MTR: variants seen among roughly 807,000 people sequenced by gnomAD.
MTR encodes the protein 5-methyltetrahydrofolate-homocysteine methyltransferase.
MTR carries 84 observed loss-of-function variants against 154.8 expected under a neutral mutation model. That is an observed-to-expected ratio of 0.54 (90% confidence interval 0.45 to 0.65). The LOEUF (loss-of-function observed/expected upper bound fraction) is 0.65, where lower values mean the gene tolerates loss of function less well. MTR is among the 30% of genes least tolerant of loss of function. MTR has a pLI of 0.00. For synonymous variants in MTR, 554 were observed against 553.9 expected (o/e 1.00, Z 0.00); for missense variants, 1,275 against 1,570.2 (o/e 0.81, Z 3.18).
At chr1:236,882,295 T>C (rs1665779969) in intron 25 of MTR, among the ~76,000 whole-genome samples, 3 of 152,220 alleles carry the variant, frequency 2.0e-5, no homozygotes, top group African/African-American at 7.2e-5. Context: ...GCAAGACTTT[T>C]GGATCCATTT....
intron 3 of MTR, 51 bp downstream of exon 3, chr1:236,806,284 C>A: frequency 7.0e-7 from 1 of 1,432,220 alleles, no homozygotes. Context: ...GCGTTTGCTG[C>A]ATTGGTAGTT....
chr1:236,819,327 A>G (rs920376551), intron 8 of MTR, among the ~76,000 whole-genome samples: 11 of 152,172 alleles, frequency 7.2e-5, no homozygotes, highest in Non-Finnish European at 1.6e-4. Flanking sequence ...TGTTTCCAGA[A>G]TGGTATATAG....
At chr1:236,888,110 G>A (rs1208404037) in intron 27 of MTR, among the ~76,000 whole-genome samples, 2 of 152,228 alleles carry the variant, frequency 1.3e-5, no homozygotes, top group Non-Finnish European at 2.9e-5. Context: ...CCAGGCAGGA[G>A]TAAGAAGTCA....
chr1:236,883,753 A>G (rs1181085981), intron 25 of MTR, among the ~76,000 whole-genome samples: 1 of 152,218 alleles, frequency 6.6e-6, no homozygotes, highest in Non-Finnish European at 1.5e-5. Context: ...ATTTTGTTTT[A>G]TACTAACTCA....
rs1242485688 is a variant in MTR at position 236,806,157 on chromosome 1, C to T, written c.263C>T (p.Ala88Val). The T allele has an allele frequency of 6.2e-7, 1 of 1,613,958 alleles. No homozygotes were observed. The highest frequency in any genetic ancestry group is 8.5e-7 in the Non-Finnish European group (1 of 1,179,860). The change falls in exon 3 of 33, where the codon GCT (alanine) becomes GTT (valine). Residue 88 changes from alanine to valine, a missense_variant. Ala to Val is a moderately conservative substitution (Grantham distance 64). Transcript: ENST00000366577. ...IYQIHKEYLLAGADIIETNTF... is the reference protein window; with the variant it reads ...IYQIHKEYLLVGADIIETNTF... ...CTCTTGTTGCAGGAATACTTGCTGG[C>T]TGGGGCAGATATCATTGAAACAAAT...
intron 16 of MTR, among the ~76,000 whole-genome samples, chr1:236,850,940 C>T (rs528304380): frequency 2.6e-5 from 4 of 152,288 alleles, no homozygotes; most frequent in East Asian, 3.9e-4. Context: ...CTAGCGCCCC[C>T]GTCTGTCTCT....
At position 236,799,150 on chromosome 1, in the gene MTR, TCTCA is replaced by T. The variant is rs554358373; in HGVS notation, c.34+3417_34+3420del. Among the ~76,000 whole-genome samples, 1,391 of 152,148 alleles carry T rather than the reference TCTCA, an allele frequency of 9.1e-3. 16 individuals carry two copies. The highest frequency in any genetic ancestry group is 0.014 in the Non-Finnish European group (941 of 67,990). On this transcript the variant is annotated intron_variant, in intron 1 of 32. Transcript: ENST00000366577. ...TTTTTCCCCCTTTTTCTTGAGACAGTCTCACTCTGTTGCCCAAGCTGAGGGCAGT... is the reference window on the plus strand; with the variant it reads ...TTTTTCCCCCTTTTTCTTGAGACAGTCTCTGTTGCCCAAGCTGAGGGCAGT...
chr1:236,818,932 G>A (rs1319018005), intron 8 of MTR, among the ~76,000 whole-genome samples: 1 of 152,214 alleles, frequency 6.6e-6, no homozygotes, highest in African/African-American at 2.4e-5. Flanking sequence ...TAGGAGTAAT[G>A]GAGTTCTTGT....
Position 236,829,255 on chromosome 1 carries a change from T to C in MTR, c.1062T>C (p.His354=), listed in dbSNP as rs1345601656. 1.2e-6 allele frequency: 2 copies of C among 1,613,810 alleles called. No individual in the cohort carries two copies. Among genetic ancestry groups the C allele is most frequent in the Non-Finnish European group, 1.7e-6 (2 of 1,179,706 alleles). Residue 354 remains histidine (H), a synonymous_variant, in exon 12 of 33, where the codon CAT becomes CAC. Transcript: ENST00000366577. The part of the protein sequence containing the change: ...RVPPATAFEG[H]MLLSGLEPFR... ...CACCTGCCACTGCTTTTGAAGGACA[T>C]ATGTTACTGTCTGGTGAGTCATAAA... is the stretch of plus-strand genomic sequence containing the variant.
At chr1:236,795,834 C>T (rs1572169975) in intron 1 of MTR, 97 bp downstream of exon 1, 5 of 1,584,546 alleles carry the variant, frequency 3.2e-6, no homozygotes, top group Admixed American at 1.7e-5. Context: ...CGGCGGGAGA[C>T]GCCCGGCGGT....
At chr1:236,797,686 C>T (rs909042182) in intron 1 of MTR, among the ~76,000 whole-genome samples, 27 of 152,146 alleles carry the variant, frequency 1.8e-4, no homozygotes, top group Non-Finnish European at 2.9e-4. Context: ...AAGCTGGGCG[C>T]GGTGGCTCAT....
chr1:236,795,768 G>A (rs372499532), intron 1 of MTR, 31 bp downstream of exon 1: 1 of 1,614,030 alleles, frequency 6.2e-7, no homozygotes, highest in Non-Finnish European at 8.5e-7. Flanking sequence ...GCGTGGTTGG[G>A]TTGTGTTTCT....
intron 3 of MTR, among the ~76,000 whole-genome samples, chr1:236,807,636 T>A (rs1442719013): frequency 6.6e-6 from 1 of 152,226 alleles, no homozygotes; most frequent in East Asian, 1.9e-4. Context: ...ATATTTAAAT[T>A]TTATAAAACC....
intron 1 of MTR, among the ~76,000 whole-genome samples, chr1:236,796,619 GGTTCTGA>G (rs1296354839): frequency 1.4e-5 from 2 of 141,438 alleles, no homozygotes; most frequent in African/African-American, 6.3e-5. Context: ...TTGATTCTTG[GGTTCTGA>G]TAACGGGACT....
chr1:236,887,712 A>G (rs1211075122), intron 27 of MTR, among the ~76,000 whole-genome samples: 1 of 152,244 alleles, frequency 6.6e-6, no homozygotes, highest in Non-Finnish European at 1.5e-5. Context: ...GCCATGGGCC[A>G]CTGAGGGCTG....
chr1:236,868,158 G>A (rs1282232713), intron 22 of MTR, among the ~76,000 whole-genome samples: 2 of 152,040 alleles, frequency 1.3e-5, no homozygotes, highest in East Asian at 1.9e-4. Context: ...AAATTGCCAC[G>A]GCCACCCCAA....
At chr1:236,806,842 T>G (rs1482656125) in intron 3 of MTR, among the ~76,000 whole-genome samples, 1 of 152,230 alleles carries the variant, frequency 6.6e-6, no homozygotes, top group Non-Finnish European at 1.5e-5. Flanking sequence ...CATATAGTAT[T>G]TGGCCTTTTG....
At chr1:236,846,273 CT>C (rs1453017570) in intron 15 of MTR, among the ~76,000 whole-genome samples, 5 of 152,116 alleles carry the variant, frequency 3.3e-5, no homozygotes, top group African/African-American at 4.8e-5. Context: ...TTCTCTTTTT[CT>C]AAATGAAATG....
At chr1:236,826,367 G>A (rs926936757) in intron 10 of MTR, among the ~76,000 whole-genome samples, 6 of 152,072 alleles carry the variant, frequency 3.9e-5, no homozygotes, top group Non-Finnish European at 5.9e-5. Context: ...TGTGATCATA[G>A]CTTACTGTAG....
Sources: gnomAD v4.1 joint callset for allele counts (sites outside exome capture counted in the v4.1 genomes callset) on GRCh38, gnomAD v4.1.1 for gene constraint, MANE v1.5 for transcripts, NCBI Gene and HGNC (gene_info 2026-07-23, HGNC 2026-07-21) for gene names.